Variants in SLC39A11 observed in about 807,000 individuals in gnomAD.
The protein encoded by SLC39A11 is solute carrier family 39 member 11.
SLC39A11 carries 33 observed loss-of-function variants against 36.1 expected under a neutral mutation model. The ratio of observed to expected loss-of-function variants is 0.91; its 90% CI spans 0.69 to 1.22. The LOEUF (loss-of-function observed/expected upper bound fraction) is 1.22. Among genes scored for constraint, SLC39A11 ranks in the 50% most tolerant of loss-of-function variants. SLC39A11 has a pLI of 0.00. For missense variants in SLC39A11, 432 were observed against 430.3 expected (o/e 1.00, Z -0.03); for synonymous variants, 166 against 170.3 (o/e 0.97, Z 0.20).
intron 6 of SLC39A11, among the ~76,000 whole-genome samples, chr17:72,783,626 C>T (rs2567524): frequency 0.46 from 69,506 of 152,018 alleles, 18,380 homozygotes; most frequent in Non-Finnish European, 0.6. Context: ...AAGTTATCAG[C>T]GTATGGATGG....
chr17:73,011,541 C>A (rs2148503941), intron 4 of SLC39A11, among the ~76,000 whole-genome samples: 1 of 152,050 alleles, frequency 6.6e-6, no homozygotes, highest in Non-Finnish European at 1.5e-5. Context: ...CACCAGGGCA[C>A]ATAGACAAAA....
intron 4 of SLC39A11, among the ~76,000 whole-genome samples, chr17:73,001,379 C>T (rs868568728): frequency 8.1e-6 from 1 of 123,290 alleles, no homozygotes; most frequent in Non-Finnish European, 1.6e-5. Context: ...CACATGGACA[C>T]AGGAAGGGGA....
intron 6 of SLC39A11, among the ~76,000 whole-genome samples, chr17:72,788,695 T>C (rs2076598619): frequency 6.6e-6 from 1 of 152,236 alleles, no homozygotes; most frequent in African/African-American, 2.4e-5. Context: ...CTGATGGAGA[T>C]GACATGAGCC....
At chr17:72,859,202 A>C (rs2079821028) in intron 5 of SLC39A11, among the ~76,000 whole-genome samples, 1 of 152,224 alleles carries the variant, frequency 6.6e-6, no homozygotes, top group Admixed American at 6.5e-5. Flanking sequence ...TCTTGTAAAC[A>C]ACACAGGAGT....
At chr17:72,990,002 G>A (rs1407636961) in intron 4 of SLC39A11, among the ~76,000 whole-genome samples, 6 of 152,218 alleles carry the variant, frequency 3.9e-5, no homozygotes, top group South Asian at 2.1e-4. Flanking sequence ...AATGCTGCAC[G>A]TAGTATCAGA....
intron 5 of SLC39A11, among the ~76,000 whole-genome samples, chr17:72,892,877 T>C (rs552446317): frequency 1.3e-5 from 2 of 152,024 alleles, no homozygotes; most frequent in East Asian, 1.9e-4. Context: ...CTGGAGGGAG[T>C]GAGGGAAGGG....
At chr17:73,004,106 G>C (rs1278895063) in intron 4 of SLC39A11, among the ~76,000 whole-genome samples, 2 of 146,750 alleles carry the variant, frequency 1.4e-5, no homozygotes, top group African/African-American at 5.1e-5. Flanking sequence ...AAGAAAGAAA[G>C]AGAGAGAGAG....
rs559985946 is a variant in SLC39A11 at position 72,821,693 on chromosome 17, C to T, written c.601+27941G>A. The stretch of plus-strand genomic sequence containing the variant: ...AATGAATTTAAAAGATCAAGTTCAA[C>T]TCAAGAAAGACAGTCCTGGTGATGT... On this transcript the variant is annotated intron_variant, in intron 6 of 9. Coordinates refer to ENST00000255559, the MANE Select transcript of SLC39A11 (RefSeq NM_139177.4). 9 of 151,252 alleles carry T rather than the reference C, an allele frequency of 6.0e-5. No homozygotes were observed. In the South Asian group the frequency reaches 1.3e-3, roughly 21 times the overall value. 9.4% of individuals were successfully genotyped at this position (151,252 alleles called of 1,614,324 possible).
chr17:72,987,829 C>G (rs900631952), intron 4 of SLC39A11, among the ~76,000 whole-genome samples: 2 of 152,088 alleles, frequency 1.3e-5, no homozygotes, highest in Non-Finnish European at 2.9e-5. Flanking sequence ...AAAAATGACA[C>G]CACTTAAAAA....
At chr17:73,017,170 A>C (rs1381326713) in intron 4 of SLC39A11, among the ~76,000 whole-genome samples, 1 of 152,246 alleles carries the variant, frequency 6.6e-6, no homozygotes, top group African/African-American at 2.4e-5. Flanking sequence ...AAGAATCTGG[A>C]GCAAATGTTT....
intron 4 of SLC39A11, among the ~76,000 whole-genome samples, chr17:72,953,757 C>A (rs1414590353): frequency 1.3e-5 from 2 of 152,248 alleles, no homozygotes; most frequent in African/African-American, 4.8e-5. Flanking sequence ...CCAGTACCAA[C>A]CTTCAATAGG....
intron 6 of SLC39A11, among the ~76,000 whole-genome samples, chr17:72,769,491 C>A (rs1430001489): frequency 6.6e-6 from 1 of 152,090 alleles, no homozygotes; most frequent in Non-Finnish European, 1.5e-5. Context: ...GACAAACCCG[C>A]CTCCCATTCT....
At chr17:72,853,982 G>A (rs1429433576) in intron 5 of SLC39A11, among the ~76,000 whole-genome samples, 1 of 152,164 alleles carries the variant, frequency 6.6e-6, no homozygotes, top group East Asian at 1.9e-4. Flanking sequence ...CACTTTTGAA[G>A]TGGAGTTTGG....
At chr17:72,803,994 A>G (rs1224825867) in intron 6 of SLC39A11, among the ~76,000 whole-genome samples, 1 of 117,860 alleles carries the variant, frequency 8.5e-6, no homozygotes, top group African/African-American at 3.4e-5. Flanking sequence ...TGTAAACACT[A>G]TCTTTTTTGG....
chr17:72,886,315 C>T (rs761327987), intron 5 of SLC39A11, among the ~76,000 whole-genome samples: 2 of 152,242 alleles, frequency 1.3e-5, no homozygotes, highest in Non-Finnish European at 2.9e-5. Flanking sequence ...CATCTGCCTA[C>T]TTGACGTTAC....
At chr17:72,695,813 C>A (rs2072268292) in intron 7 of SLC39A11, among the ~76,000 whole-genome samples, 1 of 152,142 alleles carries the variant, frequency 6.6e-6, no homozygotes, top group Non-Finnish European at 1.5e-5. Flanking sequence ...GGCCACCAGC[C>A]AAAGGATGCC....
intron 7 of SLC39A11, among the ~76,000 whole-genome samples, chr17:72,669,462 C>T (rs921349910): frequency 1.3e-5 from 2 of 152,122 alleles, no homozygotes; most frequent in Non-Finnish European, 2.9e-5. Flanking sequence ...TAGAATGTCT[C>T]TCAAATTTGG....
At chr17:72,652,829 C>T (rs1257225838) in intron 7 of SLC39A11, among the ~76,000 whole-genome samples, 3 of 152,170 alleles carry the variant, frequency 2.0e-5, no homozygotes, top group Non-Finnish European at 4.4e-5. Flanking sequence ...TGGTGAGAAC[C>T]ACTGTGCAAC....
intron 5 of SLC39A11, among the ~76,000 whole-genome samples, chr17:72,850,649 C>CTG (rs2079265530): frequency 6.6e-6 from 1 of 152,150 alleles, no homozygotes; most frequent in East Asian, 1.9e-4. Flanking sequence ...CACTGGCCAG[C>CTG]TGTGTAGTGC....
Sources: allele counts gnomAD v4.1 joint callset (sites outside exome capture counted in the v4.1 genomes callset), GRCh38; gene constraint gnomAD v4.1.1; transcripts MANE v1.5; gene names NCBI Gene and HGNC (gene_info 2026-07-23, HGNC 2026-07-21).